THRB: variants seen among roughly 807,000 people sequenced by gnomAD.
The protein encoded by THRB is nuclear receptor subfamily 1 group A member 2.
A neutral mutation model predicts 47.8 loss-of-function variants in THRB; 12 were observed. The observed-to-expected ratio is 0.25, with a 90% CI of 0.16 to 0.41. THRB has a LOEUF of 0.41. Among genes scored for constraint, THRB ranks in the 10% least tolerant of loss-of-function variants. The pLI, the probability that THRB is intolerant of heterozygous loss-of-function variation, is 1.00. For missense variants in THRB, 348 were observed against 589.2 expected, an observed-to-expected ratio of 0.59 and a Z score of 4.24; for synonymous variants, 218 against 212.2, an observed-to-expected ratio of 1.03 and a Z score of -0.24.
At chr3:24,196,073 G>T (rs1228217609) in intron 4 of THRB, among the ~76,000 whole-genome samples, 2 of 152,160 alleles carry the variant, frequency 1.3e-5, no homozygotes, top group Non-Finnish European at 2.9e-5. Flanking sequence ...TTTGTATGGG[G>T]GTGGGGAATG....
At chr3:24,351,712 G>C (rs963294653) in intron 1 of THRB, among the ~76,000 whole-genome samples, 1 of 152,104 alleles carries the variant, frequency 6.6e-6, no homozygotes, top group Non-Finnish European at 1.5e-5. Flanking sequence ...GGAGAGAAAA[G>C]GTCATCCCAA....
chr3:24,270,033 A>G lies in THRB; in HGVS notation c.-43+27193T>C, dbSNP rs1205656817. Among the ~76,000 whole-genome samples, 7 of 152,152 alleles carry G rather than the reference A, an allele frequency of 4.6e-5. No homozygotes were observed. In the South Asian group the frequency reaches 1.2e-3, roughly 27 times the overall value. On this transcript the variant is annotated intron_variant, in intron 3 of 10. Coordinates refer to ENST00000646209, the MANE Select transcript of THRB (RefSeq NM_001354712.2). ...ATTTAAGGTTTTACAAATAGTGTTT[A>G]CTCAGATTGGGAAATAAACTTTTTT...
At chr3:24,216,425 G>A (rs1217569547) in intron 4 of THRB, among the ~76,000 whole-genome samples, 1 of 152,132 alleles carries the variant, frequency 6.6e-6, no homozygotes, top group Non-Finnish European at 1.5e-5. Context: ...CTAACATGGT[G>A]AAACCCTGTC....
rs114533837 is a variant in THRB at position 24,275,593 on chromosome 3, G to T, written c.-43+21633C>A. ...ACCATCATCATGTCACTGTTTTGGG[G>T]GGCCATACTTCTGTTTCTTGTTAGA... On this transcript the variant is annotated intron_variant, in intron 3 of 10. Coordinates refer to ENST00000646209, the MANE Select transcript of THRB (RefSeq NM_001354712.2). 3.7e-3 allele frequency among the ~76,000 whole-genome samples: 571 copies of T among 152,282 alleles called. 3 individuals carry two copies. Among genetic ancestry groups the T allele is most frequent in the African/African-American group, 0.013 (553 of 41,554 alleles).
chr3:24,195,155 C>A (rs1341176811), intron 4 of THRB, among the ~76,000 whole-genome samples: 1 of 152,112 alleles, frequency 6.6e-6, no homozygotes, highest in African/African-American at 2.4e-5. Context: ...ACTATGTACG[C>A]CTCAACTGAT....
At chr3:24,394,700 G>A (rs1281606492) in intron 1 of THRB, among the ~76,000 whole-genome samples, 1 of 152,062 alleles carries the variant, frequency 6.6e-6, no homozygotes, top group African/African-American at 2.4e-5. Context: ...ATTCAGCAAG[G>A]CACTTCCTGA....
chr3:24,461,256 C>G (rs1413809334), intron 1 of THRB, among the ~76,000 whole-genome samples: 1 of 152,146 alleles, frequency 6.6e-6, no homozygotes, highest in Non-Finnish European at 1.5e-5. Context: ...ACTGTGCCAC[C>G]GCAAGCAAGT....
chr3:24,425,045 C>G (rs1434335125), intron 1 of THRB, among the ~76,000 whole-genome samples: 1 of 151,702 alleles, frequency 6.6e-6, no homozygotes, highest in African/African-American at 2.4e-5. Flanking sequence ...TTTAATCCAT[C>G]CTTTATCAGT....
rs1273720385 is a variant in THRB, at chr3:24,143,560, C to T, written c.679G>A (p.Glu227Lys). 2.5e-6 allele frequency: 4 copies of T among 1,614,176 alleles called. No individual in the cohort carries two copies. Among genetic ancestry groups the T allele is most frequent in the East Asian group, 2.2e-5 (1 of 44,874 alleles). Residue 227 changes from glutamate to lysine, a missense_variant, in exon 8 of 11, where the codon GAA becomes AAA. Coordinates refer to ENST00000646209, the MANE Select transcript of THRB (RefSeq NM_001354712.2). The stretch of plus-strand genomic sequence containing the variant: ...TGGGCGTTGGTCGCCACATGGGCTT[C>T]GGTGACAGTTTTGATGAGCTCCCAT... ...EEWELIKTVT[E>K]AHVATNAQGS... is the part of the protein sequence containing the mutation.
chr3:24,290,212 T>C (rs1451972076), intron 3 of THRB, among the ~76,000 whole-genome samples: 1 of 151,984 alleles, frequency 6.6e-6, no homozygotes, highest in African/African-American at 2.4e-5. Flanking sequence ...ACGTTTCTTT[T>C]GAGATATGAA....
chr3:24,396,751 A>G (rs1185963623), intron 1 of THRB, among the ~76,000 whole-genome samples: 1 of 152,178 alleles, frequency 6.6e-6, no homozygotes, highest in Non-Finnish European at 1.5e-5. Flanking sequence ...GCACAGAACC[A>G]AAGCATTTAT....
rs1227265044 is a variant in THRB at position 24,143,632 on chromosome 3, C to A, written c.607G>T (p.Glu203Ter). 1 of 1,614,204 alleles carries A rather than the reference C, an allele frequency of 6.2e-7. No homozygotes were observed. The highest frequency in any genetic ancestry group is 1.1e-5 in the South Asian group (1 of 91,084). Residue 203 changes from glutamate to a stop codon, truncating the protein, a stop_gained, in exon 8 of 11, where the codon GAG (glutamate) becomes TAG (stop). Coordinates refer to ENST00000646209, the MANE Select transcript of THRB (RefSeq NM_001354712.2). LOFTEE classifies it high-confidence loss of function. ...TTGTGCCCGATGGACTTCTGCAGCT[C>A]TTCCCGCCGTCTTTTCTCCCGGTTC... ...EENREKRRRE[E>*]LQKSIGHKPE...
intron 1 of THRB, among the ~76,000 whole-genome samples, chr3:24,437,604 G>A (rs1344322144): frequency 1.3e-5 from 2 of 152,024 alleles, no homozygotes; most frequent in Non-Finnish European, 2.9e-5. Context: ...ATTACACACT[G>A]TACACACGTA....
intron 3 of THRB, among the ~76,000 whole-genome samples, chr3:24,233,591 G>GAAAGAAAGAAAGAAAGAA (rs1553658398): frequency 1.4e-5 from 1 of 69,314 alleles, no homozygotes; most frequent in African/African-American, 3.6e-5. Context: ...AAGAAAGAAA[G>GAAAGAAAGAAAGAAAGAA]AAAGAAAGAA....
intron 2 of THRB, among the ~76,000 whole-genome samples, chr3:24,310,836 C>T (rs1355279442): frequency 2.0e-5 from 3 of 152,098 alleles, no homozygotes; most frequent in Non-Finnish European, 4.4e-5. Context: ...TTATCTGGTC[C>T]AAAATGTCAA....
chr3:24,471,976 C>CAAAGG (rs1694770745), intron 1 of THRB, among the ~76,000 whole-genome samples: 1 of 152,124 alleles, frequency 6.6e-6, no homozygotes, highest in Admixed American at 6.5e-5. Context: ...CCAGGCAGAC[C>CAAAGG]CTCAAAACCT....
At chr3:24,131,859 TTC>T (rs1261684569) in intron 9 of THRB, among the ~76,000 whole-genome samples, 17 of 152,218 alleles carry the variant, frequency 1.1e-4, no homozygotes, top group African/African-American at 4.1e-4. Context: ...GTCTATGGTA[TTC>T]TGTTGCAGTG....
At chr3:24,256,321 A>G (rs116487492) in intron 3 of THRB, among the ~76,000 whole-genome samples, 2,354 of 152,258 alleles carry the variant, frequency 0.015, 65 homozygotes, top group African/African-American at 0.053. Context: ...ATGGAGTTGA[A>G]GAGTAAATGG....
At chr3:24,331,082 A>C (rs752495249) in intron 2 of THRB, among the ~76,000 whole-genome samples, 2 of 152,124 alleles carry the variant, frequency 1.3e-5, no homozygotes, top group African/African-American at 2.4e-5. Flanking sequence ...GCTGGCTCCA[A>C]CTGTCAACAC....
Sources: gnomAD v4.1 joint callset for allele counts (sites outside exome capture counted in the v4.1 genomes callset) on GRCh38, gnomAD v4.1.1 for gene constraint, MANE v1.5 for transcripts, NCBI Gene and HGNC (gene_info 2026-07-23, HGNC 2026-07-21) for gene names.